Variants in ZNF827 observed in about 807,000 individuals in gnomAD.
The protein encoded by ZNF827 is zinc finger protein 827.
Under a neutral mutation model 102.4 loss-of-function variants are expected in ZNF827, and 13 were observed. That is an observed-to-expected ratio of 0.13 (90% CI 0.08 to 0.20). The LOEUF is 0.20. Ranked by LOEUF, ZNF827 falls within the 10% of genes least tolerant of loss-of-function variation. ZNF827 has a pLI of 1.00. For synonymous variants in ZNF827, 523 were observed against 536.2 expected (o/e 0.98, Z 0.34); for missense variants, 1,103 against 1,344.4 (o/e 0.82, Z 2.81).
Position 145,902,017 on chromosome 4 carries a change from T to A in ZNF827, c.1093+149A>T. On this transcript the variant is annotated intron_variant, in intron 2 of 14. Coordinates refer to ENST00000508784, the MANE Select transcript of ZNF827 (RefSeq NM_001306215.2). The surrounding 1 kb of genome is among the most constrained non-coding windows in gnomAD (Gnocchi z 4.3). ...ATACGTACATGAAAGACTACTATGC[T>A]GCTTACTTAAAGTATTTTTGTTGTG... 1 of 968,996 alleles carries A rather than the reference T, an allele frequency of 1.0e-6. No homozygotes were observed. Among genetic ancestry groups the A allele is most frequent in the Non-Finnish European group, 1.5e-6 (1 of 679,942 alleles). The allele number at this position is 968,996 out of a possible 1,614,324, so 60.0% of individuals were successfully genotyped here. A position where few individuals can be genotyped will look rare whatever the true frequency, so the allele number is the denominator to read the frequency against.
intron 8 of ZNF827, among the ~76,000 whole-genome samples, chr4:145,822,954 G>A (rs143533533): frequency 2.8e-4 from 43 of 152,310 alleles, no homozygotes; most frequent in African/African-American, 8.4e-4. Flanking sequence ...GACAAAATCT[G>A]GGTGGCAAGG....
At chr4:145,784,234 C>T (rs1355219890) in intron 8 of ZNF827, among the ~76,000 whole-genome samples, 6 of 152,224 alleles carry the variant, frequency 3.9e-5, no homozygotes, top group Admixed American at 1.3e-4. Context: ...ACTGCAGGAA[C>T]TGAGTAATAC....
chr4:145,818,536 G>T (rs1742820055), intron 8 of ZNF827, among the ~76,000 whole-genome samples: 1 of 152,142 alleles, frequency 6.6e-6, no homozygotes, highest in Non-Finnish European at 1.5e-5. Context: ...GTTACAAAAC[G>T]ATATACACTA....
intron 5 of ZNF827, among the ~76,000 whole-genome samples, chr4:145,853,934 C>T (rs13121212): frequency 1.6e-4 from 24 of 151,110 alleles, no homozygotes; most frequent in Non-Finnish European, 2.9e-4. Flanking sequence ...CATTACACTC[C>T]GGCATGGGCA....
At chr4:145,923,938 C>G (rs1353426552) in intron 1 of ZNF827, among the ~76,000 whole-genome samples, 2 of 152,174 alleles carry the variant, frequency 1.3e-5, no homozygotes, top group African/African-American at 4.8e-5. Context: ...TAGAGAAATT[C>G]ACACTCAGGC....
chr4:145,925,888 C>G (rs1474368114), intron 1 of ZNF827, among the ~76,000 whole-genome samples: 2 of 152,212 alleles, frequency 1.3e-5, no homozygotes, highest in Non-Finnish European at 2.9e-5. Context: ...TCTTCATAAA[C>G]ACAACATCTG....
At chr4:145,918,113 C>T (rs866039155) in intron 1 of ZNF827, among the ~76,000 whole-genome samples, 8 of 151,890 alleles carry the variant, frequency 5.3e-5, no homozygotes, top group Non-Finnish European at 1.2e-4. Context: ...TGCTTTTGCA[C>T]CAATCTAATA....
At chr4:145,879,133 A>T (rs1749455651) in intron 4 of ZNF827, among the ~76,000 whole-genome samples, 1 of 152,206 alleles carries the variant, frequency 6.6e-6, no homozygotes, top group Admixed American at 6.5e-5. Context: ...AAAAAAAAAT[A>T]GGTAATAGCT....
intron 5 of ZNF827, among the ~76,000 whole-genome samples, chr4:145,864,184 A>C (rs971634053): frequency 8.8e-5 from 13 of 148,338 alleles, no homozygotes; most frequent in African/African-American, 1.3e-4. Context: ...ACAACCTCCC[A>C]CACACACACA....
chr4:145,893,190 C>T (rs1750738967), intron 2 of ZNF827, among the ~76,000 whole-genome samples: 1 of 152,146 alleles, frequency 6.6e-6, no homozygotes, highest in Admixed American at 6.5e-5. Flanking sequence ...TTAAACAAAC[C>T]AACTACCTCC....
chr4:145,793,646 A>G (rs1047578259), intron 8 of ZNF827, among the ~76,000 whole-genome samples: 1 of 152,088 alleles, frequency 6.6e-6, no homozygotes, highest in Admixed American at 6.6e-5. Context: ...CTCCTTGGCA[A>G]CAGACACACA....
chr4:145,846,582 C>T (rs1399017316), intron 6 of ZNF827, among the ~76,000 whole-genome samples: 1 of 142,186 alleles, frequency 7.0e-6, no homozygotes, highest in Non-Finnish European at 1.5e-5. Flanking sequence ...TTTGGGAGGC[C>T]GAGGCAGGTG....
chr4:145,774,251 A>G (rs1736695724), intron 11 of ZNF827, among the ~76,000 whole-genome samples: 1 of 152,214 alleles, frequency 6.6e-6, no homozygotes, highest in South Asian at 2.1e-4. Flanking sequence ...AGGATGAGCA[A>G]CAAGCAAAGA....
At chr4:145,809,688 T>C (rs888464157) in intron 8 of ZNF827, among the ~76,000 whole-genome samples, 4 of 152,214 alleles carry the variant, frequency 2.6e-5, no homozygotes, top group African/African-American at 9.6e-5. Context: ...GACAGCATTC[T>C]GGCAACTGAC....
chr4:145,898,629 G>C (rs192884646), intron 2 of ZNF827, among the ~76,000 whole-genome samples: 5 of 152,182 alleles, frequency 3.3e-5, no homozygotes, highest in Non-Finnish European at 2.9e-5. Flanking sequence ...CAGAGGAGCC[G>C]TGTAGCATGT....
chr4:145,918,258 T>A (rs1455915065), intron 1 of ZNF827, among the ~76,000 whole-genome samples: 1 of 145,920 alleles, frequency 6.9e-6, no homozygotes, highest in African/African-American at 2.5e-5. Flanking sequence ...GGGGCACATA[T>A]AGTCTCTGTC....
intron 8 of ZNF827, among the ~76,000 whole-genome samples, chr4:145,807,558 C>T (rs577797172): frequency 9.2e-5 from 14 of 151,528 alleles, no homozygotes; most frequent in African/African-American, 3.4e-4. Flanking sequence ...CTGCAACCAA[C>T]GCCTCCTGGG....
intron 5 of ZNF827, among the ~76,000 whole-genome samples, chr4:145,867,423 G>A (rs1748307230): frequency 6.6e-6 from 1 of 152,292 alleles, no homozygotes; most frequent in East Asian, 1.9e-4. Flanking sequence ...ACTGGGCCAG[G>A]TGCCAAGTCT....
chr4:145,867,125 A>G (rs1748282545), intron 5 of ZNF827, among the ~76,000 whole-genome samples: 1 of 152,248 alleles, frequency 6.6e-6, no homozygotes, highest in Admixed American at 6.5e-5. Context: ...GTCACATAAC[A>G]ACAAGTAGTC....
Sources: allele counts gnomAD v4.1 joint callset (sites outside exome capture counted in the v4.1 genomes callset), GRCh38; gene constraint gnomAD v4.1.1; non-coding constraint Gnocchi (gnomAD v3.1); transcripts MANE v1.5; gene names NCBI Gene and HGNC (gene_info 2026-07-23, HGNC 2026-07-21).